ITM2A: variants seen among roughly 807,000 people sequenced by gnomAD.
The protein encoded by ITM2A is integral membrane protein 2A.
In ITM2A, 11 loss-of-function variants were observed where a neutral mutation model predicts 16.6. The observed-to-expected ratio is 0.66, with a 90% CI of 0.42 to 1.10. ITM2A has a LOEUF of 1.10. Ranked by LOEUF, ITM2A falls within the 50% of genes least tolerant of loss-of-function variation. ITM2A has a pLI of 0.00. For synonymous variants in ITM2A, 102 were observed against 71.2 expected, an observed-to-expected ratio of 1.43 and a Z score of -2.18; for missense variants, 243 against 206.8, an observed-to-expected ratio of 1.17 and a Z score of -1.07.
At chrX:79,366,903 A>C (rs1422326541) in intron 1 of ITM2A, 1 of 404,437 alleles carries the variant, frequency 2.5e-6, no homozygotes, top group Non-Finnish European at 4.3e-6. Context: ...AGAACATGGC[A>C]CGACACGCGG....
intron 1 of ITM2A, 70 bp from the exon 2 acceptor site, chrX:79,363,624 A>T: frequency 1.4e-6 from 1 of 734,597 alleles, no homozygotes; most frequent in Non-Finnish European, 1.9e-6. Flanking sequence ...GATTTTGTGT[A>T]CAATTTACCT....
chrX:79,363,610 A>C, intron 1 of ITM2A, 56 bp from the exon 2 acceptor site: 1 of 947,648 alleles, frequency 1.1e-6, no homozygotes, highest in Non-Finnish European at 1.4e-6. Flanking sequence ...TTAGACACAT[A>C]GTTGATTTTG....
In ITM2A at chrX:79,362,476, C is replaced by T. The variant is rs2147249595; in HGVS notation, c.552+105G>A. Reference sequence around the variant, plus strand: ...AACGTTTTTTATTTCAAAATTATTTCAATAAAATAAAATGTTTTGGACAAA... The same window carrying T: ...AACGTTTTTTATTTCAAAATTATTTTAATAAAATAAAATGTTTTGGACAAA... On this transcript the variant is annotated intron_variant, in intron 4 of 5. Transcript: ENST00000373298. The T allele has an allele frequency of 6.9e-6, 3 of 435,194 alleles. No individual in the cohort carries two copies. The South Asian group carries it at 1.6e-4, about 23-fold the overall frequency. 35.9% of individuals were successfully genotyped at this position (435,194 alleles called of 1,213,427 possible).
intron 1 of ITM2A, among the ~76,000 whole-genome samples, chrX:79,365,117 C>T (rs1381015422): frequency 3.6e-4 from 40 of 111,476 alleles, no homozygotes; most frequent in Non-Finnish European, 5.7e-5. Flanking sequence ...TCATAAGTCA[C>T]ATAATAGCTT....
At chrX:79,365,329 T>C (rs1925541780) in intron 1 of ITM2A, among the ~76,000 whole-genome samples, 1 of 111,592 alleles carries the variant, frequency 9.0e-6, no homozygotes, top group Non-Finnish European at 1.9e-5. Flanking sequence ...TATTGGACTT[T>C]AGGTTGGTGT....
rs750263453 is a variant in ITM2A at position 79,361,806 on chromosome X, G to A, written c.553-327C>T. On this transcript the variant is annotated intron_variant, in intron 4 of 5. Transcript: ENST00000373298. ...TGCTGTGTTAGTTTGTAAGGATAAT[G>A]GCCTCCAGCTTTATCCATGTCTCTG... Among the ~76,000 whole-genome samples the A allele has an allele frequency of 3.7e-5, 4 of 108,531 alleles. No homozygotes were observed. The East Asian group carries it at 8.7e-4, about 24-fold the overall frequency. The allele number at this position is 108,531 out of a possible 115,157, so 94.2% of individuals were successfully genotyped here.
chrX:79,364,228 A>T (rs1350033639), intron 1 of ITM2A, among the ~76,000 whole-genome samples: 2 of 112,185 alleles, frequency 1.8e-5, no homozygotes, highest in Admixed American at 1.9e-4. Flanking sequence ...GAAGGGAGAG[A>T]TATAAATTTA....
intron 2 of ITM2A, 93 bp from the exon 3 acceptor site, chrX:79,363,232 T>C: frequency 1.2e-6 from 1 of 816,433 alleles, no homozygotes; most frequent in Non-Finnish European, 1.8e-6. Flanking sequence ...CATTGTACTA[T>C]GTGTTAAGCC....
chrX:79,363,403 A>T lies in ITM2A; in HGVS notation c.243+20T>A. 9.4e-7 allele frequency: 1 copy of T among 1,067,753 alleles called. No homozygotes were observed. The highest frequency in any genetic ancestry group is 2.4e-5 in the South Asian group (1 of 41,486). The allele number at this position is 1,067,753 out of a possible 1,213,427, so 88.0% of individuals were successfully genotyped here. A position where few individuals can be genotyped will look rare whatever the true frequency, so the allele number is the denominator to read the frequency against. ...GCAAGTAGTAATCCAAAGTATAATA[A>T]TTATAATTATTATTATTACCTTGGG... is the stretch of plus-strand genomic sequence containing the variant. On this transcript the variant is annotated intron_variant, in intron 2 of 5. Coordinates refer to ENST00000373298, the MANE Select transcript of ITM2A (RefSeq NM_004867.5).
At chrX:79,361,251 C>T (rs1181021523) in intron 5 of ITM2A, 74 bp from the exon 6 acceptor site, 1 of 1,121,191 alleles carries the variant, frequency 8.9e-7, no homozygotes, top group Non-Finnish European at 1.2e-6. Context: ...ACTTGTTCCC[C>T]ACTTTTTCCT....
At chrX:79,364,894 A>G (rs1925528625) in intron 1 of ITM2A, among the ~76,000 whole-genome samples, 1 of 110,314 alleles carries the variant, frequency 9.1e-6, no homozygotes, top group African/African-American at 3.3e-5. Context: ...ACTAATTAGT[A>G]CTCTATAAAC....
At chrX:79,366,139 T>C (rs893936857) in intron 1 of ITM2A, among the ~76,000 whole-genome samples, 1 of 111,250 alleles carries the variant, frequency 9.0e-6, no homozygotes, top group Non-Finnish European at 1.9e-5. Context: ...TGAGGAGTAG[T>C]ATACGAACCC....
At chrX:79,365,696 T>C (rs1925552581) in intron 1 of ITM2A, among the ~76,000 whole-genome samples, 1 of 109,739 alleles carries the variant, frequency 9.1e-6, no homozygotes, top group Non-Finnish European at 1.9e-5. Flanking sequence ...TGTGTGGCTA[T>C]ATTTAACTAC....
At chrX:79,363,736 C>A (rs1012800190) in intron 1 of ITM2A, among the ~76,000 whole-genome samples, 182 bp from the exon 2 acceptor site, 2 of 111,510 alleles carry the variant, frequency 1.8e-5, no homozygotes, top group African/African-American at 6.5e-5. Flanking sequence ...TAAAAAATGT[C>A]TCTGATTATA....
intron 2 of ITM2A, 128 bp downstream of exon 2, chrX:79,363,295 G>T: frequency 1.3e-6 from 1 of 765,220 alleles, no homozygotes; most frequent in Non-Finnish European, 1.9e-6. Flanking sequence ...TTTATGAACT[G>T]AAAGGCAACT....
At position 79,365,029 on chromosome X, in the gene ITM2A, T is replaced by C. The variant is rs780819011; in HGVS notation, c.112-1475A>G. On this transcript the variant is annotated intron_variant, in intron 1 of 5. Transcript: ENST00000373298. ...TATAAATTTTGATTTGGAATTACTG[T>C]ACAATAATCTAGAACTGGAGACTTA... 4.5e-5 allele frequency among the ~76,000 whole-genome samples: 5 copies of C among 111,132 alleles called. No homozygotes were observed. The South Asian group carries it at 1.5e-3, about 33-fold the overall frequency.
chrX:79,362,952 T>C lies in ITM2A; in HGVS notation c.431A>G (p.Asp144Gly). The change falls in exon 3 of 6, where the codon GAC becomes GGC. Residue 144 changes from aspartate to glycine, a missense_variant. Coordinates refer to ENST00000373298, the MANE Select transcript of ITM2A (RefSeq NM_004867.5). ...SDSDPAAIIH[D>G]FEKGMTAYLD... Reference sequence around the variant, plus strand: ...GAATGAGAAGCCCACCTTTTCAAAGTCATGAATAATTGCTGCAGGGTCACT... The same window carrying C: ...GAATGAGAAGCCCACCTTTTCAAAGCCATGAATAATTGCTGCAGGGTCACT... The C allele has an allele frequency of 1.7e-6, 2 of 1,196,456 alleles. No individual in the cohort carries two copies. Among genetic ancestry groups the C allele is most frequent in the Non-Finnish European group, 2.3e-6 (2 of 883,361 alleles).
At chrX:79,365,203 T>C (rs1321136951) in intron 1 of ITM2A, among the ~76,000 whole-genome samples, 1 of 112,200 alleles carries the variant, frequency 8.9e-6, no homozygotes, top group Admixed American at 9.4e-5. Context: ...GCACTGTAAT[T>C]TCATTTATTC....
At chrX:79,367,083 C>T (rs749417375) in intron 1 of ITM2A, 22 bp downstream of exon 1, 2 of 1,081,881 alleles carry the variant, frequency 1.8e-6, no homozygotes, top group South Asian at 2.0e-5. Context: ...ACCCCTCCCC[C>T]ATCCCGCCCT....
Sources: gnomAD v4.1 joint callset for allele counts (sites outside exome capture counted in the v4.1 genomes callset) on GRCh38, gnomAD v4.1.1 for gene constraint, MANE v1.5 for transcripts, NCBI Gene and HGNC (gene_info 2026-07-23, HGNC 2026-07-21) for gene names.